Variants in CNBD1 observed in about 807,000 individuals in gnomAD.
CNBD1 encodes the protein cyclic nucleotide-binding domain-containing protein 1.
In CNBD1, 71 loss-of-function variants were observed where a neutral mutation model predicts 54.4. That is an observed-to-expected ratio of 1.30 (90% CI 1.08 to 1.59). The LOEUF is 1.59. CNBD1 is among the 40% of genes most tolerant of loss of function. CNBD1 has a pLI of 0.00. For missense variants in CNBD1, 659 were observed against 518.0 expected (o/e 1.27, Z -2.64); for synonymous variants, 182 against 170.7 (o/e 1.07, Z -0.51).
chr8:87,379,773 TA>T (rs1176868886), intron 10 of CNBD1, among the ~76,000 whole-genome samples: 4 of 151,802 alleles, frequency 2.6e-5, no homozygotes, highest in Non-Finnish European at 4.4e-5. Flanking sequence ...GTTTTATATA[TA>T]AAAAATGAAA....
intron 10 of CNBD1, among the ~76,000 whole-genome samples, chr8:87,377,924 T>C (rs1162810377): frequency 2.0e-5 from 3 of 149,772 alleles, no homozygotes; most frequent in Non-Finnish European, 3.0e-5. Context: ...CATTTTTTCA[T>C]GTGTTTTTTG....
At chr8:87,260,700 G>A (rs1375637597) in intron 6 of CNBD1, among the ~76,000 whole-genome samples, 1 of 151,886 alleles carries the variant, frequency 6.6e-6, no homozygotes, top group Non-Finnish European at 1.5e-5. Context: ...CCATACCATA[G>A]CCATGGAGGC....
intron 4 of CNBD1, among the ~76,000 whole-genome samples, chr8:87,055,703 C>A (rs1207607435): frequency 2.0e-5 from 3 of 151,804 alleles, no homozygotes; most frequent in Non-Finnish European, 2.9e-5. Context: ...TTTTCTTCTA[C>A]CTCACTTCCT....
chr8:87,339,162 A>G (rs1207315084), intron 8 of CNBD1, among the ~76,000 whole-genome samples: 1 of 152,200 alleles, frequency 6.6e-6, no homozygotes. Context: ...AATGCTCTGA[A>G]GTATTTCAAA....
chr8:87,113,224 G>A (rs1811700150), intron 4 of CNBD1, among the ~76,000 whole-genome samples: 1 of 152,202 alleles, frequency 6.6e-6, no homozygotes, highest in Admixed American at 6.5e-5. Context: ...TGGGCAGTAG[G>A]TAGGGGATGC....
intron 4 of CNBD1, among the ~76,000 whole-genome samples, chr8:87,034,131 T>C (rs1269326838): frequency 6.6e-6 from 1 of 152,244 alleles, no homozygotes; most frequent in Admixed American, 6.5e-5. Flanking sequence ...CCTTATGCTG[T>C]ATTCATTTAT....
intron 6 of CNBD1, among the ~76,000 whole-genome samples, chr8:87,274,758 A>G (rs13266216): frequency 0.49 from 62,489 of 127,414 alleles, 20,818 homozygotes; most frequent in Non-Finnish European, 0.58. Context: ...TGCTGTGCAG[A>G]AGCTCTTTAG....
intron 8 of CNBD1, among the ~76,000 whole-genome samples, chr8:87,330,045 A>G (rs1000410033): frequency 1.3e-5 from 2 of 151,956 alleles, no homozygotes; most frequent in African/African-American, 4.8e-5. Context: ...GATATTCTAT[A>G]TCAATTGGAA....
chr8:87,385,336 G>C (rs1359069565), downstream of CNBD1, among the ~76,000 whole-genome samples: 1 of 151,866 alleles, frequency 6.6e-6, no homozygotes, highest in Non-Finnish European at 1.5e-5. Flanking sequence ...CCTCACCCGG[G>C]AAGGGCAGAG....
intron 3 of CNBD1, among the ~76,000 whole-genome samples, chr8:86,936,134 CA>C (rs201470624): frequency 1.5e-4 from 22 of 149,618 alleles, no homozygotes; most frequent in African/African-American, 2.2e-4. Flanking sequence ...GATCCCTTCT[CA>C]AAAAAAAATG....
rs562798293 is a variant in CNBD1 at position 87,059,964 on chromosome 8, G to A, written c.431+120210G>A. 5.3e-5 allele frequency among the ~76,000 whole-genome samples: 8 copies of A among 152,288 alleles called. No individual in the cohort carries two copies. The South Asian group carries it at 6.2e-4, about 12-fold the overall frequency. Reference sequence around the variant, plus strand: ...AAGCTGAAAGCTGCTAAGAGGTCAGGACAACTCCCAGGCCTTAGAAGCCTG... The same window carrying A: ...AAGCTGAAAGCTGCTAAGAGGTCAGAACAACTCCCAGGCCTTAGAAGCCTG... On this transcript the variant is annotated intron_variant, in intron 4 of 10. Coordinates refer to ENST00000518476, the MANE Select transcript of CNBD1 (RefSeq NM_173538.3).
intron 4 of CNBD1, among the ~76,000 whole-genome samples, chr8:87,150,337 C>A (rs564812682): frequency 6.6e-6 from 1 of 152,252 alleles, no homozygotes; most frequent in Admixed American, 6.5e-5. Context: ...GTCTATATGG[C>A]TTTTCACTGC....
chr8:86,915,670 A>G (rs1437556969), intron 3 of CNBD1, among the ~76,000 whole-genome samples: 1 of 152,198 alleles, frequency 6.6e-6, no homozygotes, highest in Non-Finnish European at 1.5e-5. Context: ...ATTCATATAC[A>G]ATTAACTTTC....
At chr8:87,246,938 G>A (rs1268741436) in intron 6 of CNBD1, among the ~76,000 whole-genome samples, 1 of 152,022 alleles carries the variant, frequency 6.6e-6, no homozygotes, top group Non-Finnish European at 1.5e-5. Flanking sequence ...TTGTTTTCCT[G>A]GAACTAGACG....
intron 4 of CNBD1, among the ~76,000 whole-genome samples, chr8:87,082,053 A>T (rs1322335089): frequency 6.6e-6 from 1 of 152,184 alleles, no homozygotes; most frequent in Non-Finnish European, 1.5e-5. Context: ...CAGGCCTCTG[A>T]GCCCAAGCTA....
intron 1 of CNBD1, among the ~76,000 whole-genome samples, chr8:86,879,534 C>G (rs899514614): frequency 3.3e-5 from 5 of 152,076 alleles, no homozygotes; most frequent in African/African-American, 1.2e-4. Context: ...ATCAAAAAGA[C>G]AAGATATGTT....
chr8:87,323,788 C>A (rs1257343377), intron 8 of CNBD1, among the ~76,000 whole-genome samples: 1 of 101,992 alleles, frequency 9.8e-6, no homozygotes, highest in Non-Finnish European at 2.4e-5. Flanking sequence ...ATTGAATACC[C>A]TTTATTTCCT....
At chr8:87,012,411 A>G (rs771055936) in intron 4 of CNBD1, among the ~76,000 whole-genome samples, 94 of 152,166 alleles carry the variant, frequency 6.2e-4, no homozygotes, top group Non-Finnish European at 1.1e-3. Context: ...TTTTGAACCT[A>G]ACTCTAGCAT....
At chr8:87,167,205 T>A (rs1251432628) in intron 4 of CNBD1, among the ~76,000 whole-genome samples, 1 of 152,000 alleles carries the variant, frequency 6.6e-6, no homozygotes, top group Non-Finnish European at 1.5e-5. Flanking sequence ...ATTGAGGTTA[T>A]AACAAACATT....
Sources: allele counts gnomAD v4.1 joint callset (sites outside exome capture counted in the v4.1 genomes callset), GRCh38; gene constraint gnomAD v4.1.1; transcripts MANE v1.5; gene names NCBI Gene and HGNC (gene_info 2026-07-23, HGNC 2026-07-21).